Variants in PARVB observed in about 807,000 individuals in gnomAD.
PARVB encodes the protein beta-parvin.
A neutral mutation model predicts 47.0 loss-of-function variants in PARVB; 46 were observed. That is an observed-to-expected ratio of 0.98 (90% CI 0.77 to 1.25). The LOEUF (loss-of-function observed/expected upper bound fraction) is 1.25, where lower values mean the gene tolerates loss of function less well. Among genes scored for constraint, PARVB ranks in the 50% most tolerant of loss-of-function variants. PARVB has a pLI of 0.00. For missense variants in PARVB, 473 were observed against 471.6 expected (o/e 1.00, Z -0.03); for synonymous variants, 196 against 196.3 (o/e 1.00, Z 0.01).
intron 4 of PARVB, among the ~76,000 whole-genome samples, chr22:44,127,713 G>A (rs2896050): frequency 0.25 from 32,873 of 134,062 alleles, 3,869 homozygotes; most frequent in South Asian, 0.41. Flanking sequence ...GGAGGAAAGA[G>A]AACAGACTTC....
chr22:44,076,033 G>A (rs2051765470), intron 1 of PARVB, among the ~76,000 whole-genome samples: 1 of 152,254 alleles, frequency 6.6e-6, no homozygotes, highest in South Asian at 2.1e-4. Flanking sequence ...CAAAGCAGGA[G>A]AGGATGCTGA....
At chr22:44,126,861 A>G (rs133908) in intron 4 of PARVB, among the ~76,000 whole-genome samples, 53,270 of 152,078 alleles carry the variant, frequency 0.35, 9,430 homozygotes, top group Middle Eastern at 0.52. Context: ...CTGGCTGTGG[A>G]ACTGGCCCTC....
At chr22:44,041,049 A>G (rs1264620260) in intron 1 of PARVB, among the ~76,000 whole-genome samples, 1 of 152,098 alleles carries the variant, frequency 6.6e-6, no homozygotes, top group African/African-American at 2.4e-5. Flanking sequence ...ATGAAGTCCC[A>G]CAGTTTGTGG....
At position 44,103,711 on chromosome 22, in the gene PARVB, T is replaced by C. The variant is rs2147076767; in HGVS notation, c.273+3588T>C. Reference sequence around the variant, plus strand: ...CTGTATAAGAGGGACATGGGGAGCTTTGACTGCCCATGAACATGGCAGCTT... The same window carrying C: ...CTGTATAAGAGGGACATGGGGAGCTCTGACTGCCCATGAACATGGCAGCTT... On this transcript the variant is annotated intron_variant, in intron 3 of 12. Transcript: ENST00000338758. This position sits in a 1 kb window ranked among gnomAD's most constrained non-coding sequence, Gnocchi z 4.6. 1 of 152,326 alleles carries C rather than the reference T, an allele frequency of 6.6e-6. No homozygotes were observed. Among genetic ancestry groups the C allele is most frequent in the South Asian group, 2.1e-4 (1 of 4,814 alleles). The allele number at this position is 152,326 out of a possible 1,614,324, so 9.4% of individuals were successfully genotyped here.
intron 5 of PARVB, 43 bp downstream of exon 5, chr22:44,131,670 C>T (rs2053326289): frequency 6.4e-7 from 1 of 1,555,850 alleles, no homozygotes; most frequent in Non-Finnish European, 8.7e-7. Context: ...TGGAGGGAGC[C>T]CGTCCTCTCG....
At chr22:44,055,202 G>A (rs1040189146) in intron 1 of PARVB, among the ~76,000 whole-genome samples, 11 of 151,918 alleles carry the variant, frequency 7.2e-5, no homozygotes, top group African/African-American at 2.7e-4. Flanking sequence ...CCTGTTCCCC[G>A]AGCCATATGC....
At chr22:44,010,889 A>ATTTT (rs1184137879) in intron 2 of PARVB, among the ~76,000 whole-genome samples, 1 of 129,738 alleles carries the variant, frequency 7.7e-6, no homozygotes, top group Non-Finnish European at 1.7e-5. Context: ...CACCATGCCT[A>ATTTT]TTTTTTTTTT....
At chr22:44,072,732 C>T (rs1173917439) in intron 1 of PARVB, among the ~76,000 whole-genome samples, 4 of 152,136 alleles carry the variant, frequency 2.6e-5, no homozygotes, top group East Asian at 3.8e-4. Flanking sequence ...TGTGAACCAT[C>T]GCGCCTGGCC....
chr22:44,009,896 C>T (rs188043154), intron 2 of PARVB, among the ~76,000 whole-genome samples: 4 of 151,396 alleles, frequency 2.6e-5, no homozygotes, highest in Admixed American at 2.6e-4. Flanking sequence ...CAACCTCTGC[C>T]TCCTGGGTTC....
intron 1 of PARVB, among the ~76,000 whole-genome samples, chr22:44,069,424 A>T (rs470026): frequency 0.83 from 126,581 of 152,148 alleles, 53,052 homozygotes; most frequent in African/African-American, 0.94. Flanking sequence ...CGAGTAGATC[A>T]TTGGGCCCAG....
Position 44,103,927 on chromosome 22 carries a change from T to C in PARVB, c.273+3804T>C, listed in dbSNP as rs1286300781. 6.6e-6 allele frequency: 1 copy of C among 152,266 alleles called. No individual in the cohort carries two copies. The highest frequency in any genetic ancestry group is 1.5e-5 in the Non-Finnish European group (1 of 68,064). The allele number at this position is 152,266 out of a possible 1,614,324, so 9.4% of individuals were successfully genotyped here. A position where few individuals can be genotyped will look rare whatever the true frequency, so the allele number is the denominator to read the frequency against. On this transcript the variant is annotated intron_variant, in intron 3 of 12. Transcript: ENST00000338758. The surrounding 1 kb of genome is among the most constrained non-coding windows in gnomAD (Gnocchi z 4.6). ...TGCTGACACCTGGATTTTAGCCCAG[T>C]GGAACAGATTTTGGACTTTGACCTC... is the stretch of plus-strand genomic sequence containing the variant.
chr22:44,007,566 C>T lies in PARVB; in HGVS notation c.211+7893C>T, dbSNP rs143567725. The stretch of plus-strand genomic sequence containing the variant: ...CCTTCCTGTAGATTCCTCTTCTCCA[C>T]GAGAAAGTTTTAGAGGCTTTTCCAA... On this transcript the variant is annotated intron_variant, in intron 2 of 13. Coordinates refer to the PARVB transcript ENST00000406477. Among the ~76,000 whole-genome samples the T allele has an allele frequency of 5.4e-3, 826 of 152,272 alleles. 13 individuals carry two copies. Among genetic ancestry groups the T allele is most frequent in the African/African-American group, 0.019 (778 of 41,548 alleles).
chr22:44,027,794 A>T (rs1418359693), intron 1 of PARVB, among the ~76,000 whole-genome samples: 1 of 151,796 alleles, frequency 6.6e-6, no homozygotes, highest in Non-Finnish European at 1.5e-5. Context: ...GCTACTTGGG[A>T]AGCTGAGGCA....
intron 2 of PARVB, among the ~76,000 whole-genome samples, chr22:44,099,518 TCC>T (rs11353013): frequency 6.6e-6 from 1 of 151,112 alleles, no homozygotes; most frequent in Non-Finnish European, 1.5e-5. Flanking sequence ...TTACACATCA[TCC>T]CCCCCCACCT....
At chr22:44,007,132 A>T (rs2050473526) in intron 2 of PARVB, among the ~76,000 whole-genome samples, 1 of 152,228 alleles carries the variant, frequency 6.6e-6, no homozygotes, top group African/African-American at 2.4e-5. Flanking sequence ...GGGGACAGCG[A>T]TCAAGCTCTT....
intron 12 of PARVB, among the ~76,000 whole-genome samples, chr22:44,164,739 C>T (rs922567896): frequency 6.6e-6 from 1 of 152,178 alleles, no homozygotes; most frequent in Non-Finnish European, 1.5e-5. Flanking sequence ...TCTCCTGAGT[C>T]CCCCATGGTG....
chr22:44,071,821 C>T (rs568972496), intron 1 of PARVB, among the ~76,000 whole-genome samples: 45 of 152,362 alleles, frequency 3.0e-4, no homozygotes, highest in African/African-American at 1.1e-3. Context: ...ATCTACTTTC[C>T]TTGTCAGTAA....
intron 1 of PARVB, among the ~76,000 whole-genome samples, chr22:44,073,807 T>C (rs1195370613): frequency 6.6e-6 from 1 of 152,244 alleles, no homozygotes; most frequent in Non-Finnish European, 1.5e-5. Flanking sequence ...GCCACCTGCT[T>C]TTCCCACACT....
intron 2 of PARVB, among the ~76,000 whole-genome samples, chr22:44,000,807 T>A (rs937415755): frequency 6.6e-6 from 1 of 152,238 alleles, no homozygotes; most frequent in African/African-American, 2.4e-5. Context: ...TCTGTTCCAT[T>A]AAGATCCCCT....
Sources: gnomAD v4.1 joint callset for allele counts (sites outside exome capture counted in the v4.1 genomes callset) on GRCh38, gnomAD v4.1.1 for gene constraint, Gnocchi (gnomAD v3.1) non-coding constraint, MANE v1.5 for transcripts, NCBI Gene and HGNC (gene_info 2026-07-23, HGNC 2026-07-21) for gene names.